KIDINS220: variants seen among roughly 807,000 people sequenced by gnomAD.
KIDINS220 encodes kinase D-interacting substrate of 220 kDa.
Under a neutral mutation model 157.6 loss-of-function variants are expected in KIDINS220, and 63 were observed. That is an observed-to-expected ratio of 0.40 (90% CI 0.33 to 0.49). The LOEUF (loss-of-function observed/expected upper bound fraction) is 0.49, where lower values mean the gene tolerates loss of function less well. KIDINS220 is among the 20% of genes least tolerant of loss of function. The pLI, the probability that KIDINS220 is intolerant of heterozygous loss-of-function variation, is 0.66. For synonymous variants in KIDINS220, 732 were observed against 783.6 expected (o/e 0.93, Z 1.10); for missense variants, 1,772 against 2,171.2 (o/e 0.82, Z 3.65).
chr2:8,826,853 A>C, intron 2 of KIDINS220, 133 bp downstream of exon 2: 1 of 415,002 alleles, frequency 2.4e-6, no homozygotes, highest in Non-Finnish European at 4.3e-6. Flanking sequence ...TAACTATAAG[A>C]CATTCTATCA....
intron 9 of KIDINS220, among the ~76,000 whole-genome samples, chr2:8,799,504 G>C (rs1674403576): frequency 6.6e-6 from 1 of 151,898 alleles, no homozygotes; most frequent in Non-Finnish European, 1.5e-5. Flanking sequence ...AAAAGCCCCA[G>C]ACCTTAAGGC....
intron 9 of KIDINS220, among the ~76,000 whole-genome samples, chr2:8,799,472 A>G (rs1400109005): frequency 6.6e-6 from 1 of 151,912 alleles, no homozygotes; most frequent in African/African-American, 2.4e-5. Flanking sequence ...CTTCAAACTT[A>G]GCTCAAGTTC....
At chr2:8,788,011 A>G (rs1240618354) in intron 15 of KIDINS220, among the ~76,000 whole-genome samples, 1 of 152,154 alleles carries the variant, frequency 6.6e-6, no homozygotes, top group Non-Finnish European at 1.5e-5. Flanking sequence ...TCCTCCATCC[A>G]GTGCTCTCTT....
At position 8,789,975 on chromosome 2, in the gene KIDINS220, C is replaced by A. The variant is rs1474156941; in HGVS notation, c.1526G>T (p.Cys509Phe). ...WLIVFLTLLLCGGLGLLFAFT... is the reference protein window; with the variant it reads ...WLIVFLTLLLFGGLGLLFAFT... ...GGCAAACAATAAACCAAGCCCTCCA[C>A]AAAGTAGCAGGGTAAGAAACACTAT... Residue 509 changes from cysteine to phenylalanine, a missense_variant, in exon 14 of 30, where the codon TGT (cysteine) becomes TTT (phenylalanine). Physicochemically the swap from Cys to Phe is radical, Grantham distance 205 (BLOSUM62 -2). Transcript: ENST00000256707. 6.2e-7 allele frequency: 1 copy of A among 1,613,752 alleles called. No homozygotes were observed. Among genetic ancestry groups the A allele is most frequent in the Non-Finnish European group, 8.5e-7 (1 of 1,179,850 alleles).
At chr2:8,831,188 C>A (rs1679560108) in intron 1 of KIDINS220, among the ~76,000 whole-genome samples, 2 of 152,206 alleles carry the variant, frequency 1.3e-5, no homozygotes, top group South Asian at 4.1e-4. Context: ...CTACGGAAAG[C>A]TTTGCTCTCC....
chr2:8,747,164 G>A lies in KIDINS220; in HGVS notation c.3566C>T (p.Ser1189Leu). The change falls in exon 26 of 30, where the codon TCA becomes TTA. Residue 1189 changes from serine (S) to leucine (L), a missense_variant. By Grantham distance (145) the Ser-to-Leu change is moderately radical. Transcript: ENST00000256707. ...CATTACCCTCGAGGAGTCTGTGGGTGAAGAAAGCCCCTCAGCAGCATCCTC... is the reference window on the plus strand; with the variant it reads ...CATTACCCTCGAGGAGTCTGTGGGTAAAGAAAGCCCCTCAGCAGCATCCTC... ...IKEDAAEGLS[S>L]PTDSSRGSGP... 1 of 1,614,134 alleles carries A rather than the reference G, an allele frequency of 6.2e-7. No individual in the cohort carries two copies. The highest frequency in any genetic ancestry group is 2.2e-5 in the East Asian group (1 of 44,890).
chr2:8,767,644 G>C (rs1334839571), intron 22 of KIDINS220, among the ~76,000 whole-genome samples: 1 of 152,194 alleles, frequency 6.6e-6, no homozygotes, highest in African/African-American at 2.4e-5. Flanking sequence ...CCCAGAAAAT[G>C]ATGGAGAGAG....
At chr2:8,809,760 C>T (rs1676022356) in intron 6 of KIDINS220, among the ~76,000 whole-genome samples, 1 of 151,824 alleles carries the variant, frequency 6.6e-6, no homozygotes, top group African/African-American at 2.4e-5. Context: ...CCCATAGAAA[C>T]CTCCCTATTT....
chr2:8,806,537 C>T (rs1326377667), intron 6 of KIDINS220, among the ~76,000 whole-genome samples, 168 bp from the exon 7 acceptor site: 1 of 152,112 alleles, frequency 6.6e-6, no homozygotes, highest in Non-Finnish European at 1.5e-5. Context: ...CATTTTATTT[C>T]TCCTGAGTAG....
rs1343705547 is a variant in KIDINS220, at chr2:8,729,789, C to A, written c.*931G>T. On this transcript the variant is annotated 3_prime_UTR_variant, in exon 30 of 30. Coordinates refer to ENST00000256707, the MANE Select transcript of KIDINS220 (RefSeq NM_020738.4). ...CTTGTCATTTATCAATTGTCACTGA[C>A]CTTTTTGATGTAATTATTTCCTCAT... 2 of 981,970 alleles carry A rather than the reference C, an allele frequency of 2.0e-6. No homozygotes were observed. The highest frequency in any genetic ancestry group is 2.4e-6 in the Non-Finnish European group (2 of 826,936). The allele number at this position is 981,970 out of a possible 1,614,324, so 60.8% of individuals were successfully genotyped here. A position where few individuals can be genotyped will look rare whatever the true frequency, so the allele number is the denominator to read the frequency against.
chr2:8,758,842 G>A (rs1042924449), intron 22 of KIDINS220, among the ~76,000 whole-genome samples: 2 of 152,150 alleles, frequency 1.3e-5, no homozygotes, highest in African/African-American at 4.8e-5. Context: ...TAGGGGGTCA[G>A]AAAGTAGACA....
intron 6 of KIDINS220, among the ~76,000 whole-genome samples, chr2:8,809,175 C>T (rs10199651): frequency 0.41 from 62,883 of 151,916 alleles, 15,036 homozygotes; most frequent in East Asian, 0.6. Context: ...CACCCACCAC[C>T]ATGCCCAGCT....
Position 8,802,985 on chromosome 2 carries a change from G to A in KIDINS220, c.746C>T (p.Thr249Met), listed in dbSNP as rs771589853. 1.5e-5 allele frequency: 25 copies of A among 1,613,680 alleles called. No homozygotes were observed. Among genetic ancestry groups the A allele is most frequent in the East Asian group, 2.2e-5 (1 of 44,880 alleles). ...GTCGAGCAGATCCTGCACAATCTCC[G>A]TATGTCCCTCCTTTGATGCAATCAT... ...ALMIASKEGH[T>M]EIVQDLLDAG... Residue 249 changes from threonine (T) to methionine (M), a missense_variant, in exon 8 of 30, where the codon ACG becomes ATG. Physicochemically the swap from Thr to Met is moderately conservative, Grantham distance 81. Coordinates refer to ENST00000256707, the MANE Select transcript of KIDINS220 (RefSeq NM_020738.4).
At chr2:8,805,746 T>C (rs1412644832) in intron 7 of KIDINS220, among the ~76,000 whole-genome samples, 1 of 152,192 alleles carries the variant, frequency 6.6e-6, no homozygotes, top group Admixed American at 6.5e-5. Context: ...TGGACTTTCA[T>C]TGTACTTTTT....
In KIDINS220 at chr2:8,730,363, G is replaced by T; in HGVS notation, c.*357C>A. 7.8e-6 allele frequency: 8 copies of T among 1,029,378 alleles called. No individual in the cohort carries two copies. Among genetic ancestry groups the T allele is most frequent in the Non-Finnish European group, 9.3e-6 (8 of 859,260 alleles). 63.8% of individuals were successfully genotyped at this position (1,029,378 alleles called of 1,614,324 possible). A position where few individuals can be genotyped will look rare whatever the true frequency, so the allele number is the denominator to read the frequency against. ...TGGTCACCAAATGTTTGCAAAAAGG[G>T]TCTCTAGCTTTTTTTCTTTTTGGCA... is the stretch of plus-strand genomic sequence containing the variant. On this transcript the variant is annotated 3_prime_UTR_variant, in exon 30 of 30. Coordinates refer to ENST00000256707, the MANE Select transcript of KIDINS220 (RefSeq NM_020738.4).
chr2:8,816,956 G>A (rs1217497768), intron 4 of KIDINS220, among the ~76,000 whole-genome samples: 1 of 152,154 alleles, frequency 6.6e-6, no homozygotes, highest in Non-Finnish European at 1.5e-5. Context: ...AACTCAGACC[G>A]TCTGTACTTC....
chr2:8,729,273 A>G lies in KIDINS220; in HGVS notation c.*1447T>C, dbSNP rs1205711260. On this transcript the variant is annotated 3_prime_UTR_variant, in exon 30 of 30. Coordinates refer to ENST00000256707, the MANE Select transcript of KIDINS220 (RefSeq NM_020738.4). Reference sequence around the variant, plus strand: ...AAACACAAAAGAGCAACTATTTAGCACAATGACTGGCCCAGTAAATAACTT... The same window carrying G: ...AAACACAAAAGAGCAACTATTTAGCGCAATGACTGGCCCAGTAAATAACTT... 52 of 985,340 alleles carry G rather than the reference A, an allele frequency of 5.3e-5. No individual in the cohort carries two copies. The highest frequency in any genetic ancestry group is 6.0e-5 in the Non-Finnish European group (50 of 829,908). The allele number at this position is 985,340 out of a possible 1,614,324, so 61.0% of individuals were successfully genotyped here.
intron 8 of KIDINS220, 87 bp from the exon 9 acceptor site, chr2:8,800,585 T>G (rs575875991): frequency 1.0e-6 from 1 of 964,876 alleles, no homozygotes; most frequent in African/African-American, 1.6e-5. Context: ...CATGTTTTCA[T>G]ATTTTTTTCT....
chr2:8,771,180 A>C (rs920820789), intron 21 of KIDINS220, among the ~76,000 whole-genome samples: 4 of 152,166 alleles, frequency 2.6e-5, no homozygotes, highest in African/African-American at 9.6e-5. Flanking sequence ...CCATTCACCC[A>C]CAATGGACCC....
Sources: gnomAD v4.1 joint callset for allele counts (sites outside exome capture counted in the v4.1 genomes callset) on GRCh38, gnomAD v4.1.1 for gene constraint, MANE v1.5 for transcripts, NCBI Gene and HGNC (gene_info 2026-07-23, HGNC 2026-07-21) for gene names.